The following LIN52 variants were observed in gnomAD, a reference collection of about 807,000 sequenced individuals.
LIN52 encodes the protein lin-52 DREAM MuvB core complex component.
In LIN52, 4 loss-of-function variants were observed where a neutral mutation model predicts 18.5. The observed-to-expected ratio is 0.22, with a 90% CI of 0.11 to 0.49. The LOEUF is 0.49. Ranked by LOEUF, LIN52 falls within the 20% of genes least tolerant of loss-of-function variation. The pLI, the probability that LIN52 is intolerant of heterozygous loss-of-function variation, is 0.97. For missense variants in LIN52, 102 were observed against 139.5 expected (o/e 0.73, Z 1.35); for synonymous variants, 34 against 45.5 (o/e 0.75, Z 1.02).
intron 2 of LIN52, among the ~76,000 whole-genome samples, chr14:74,091,850 T>C (rs2060774433): frequency 6.6e-6 from 1 of 151,976 alleles, no homozygotes; most frequent in Non-Finnish European, 1.5e-5. Context: ...CATTTAACTT[T>C]AATGATTAAA....
At chr14:74,151,694 C>T (rs1264972513) in intron 5 of LIN52, among the ~76,000 whole-genome samples, 1 of 152,062 alleles carries the variant, frequency 6.6e-6, no homozygotes, top group Non-Finnish European at 1.5e-5. Context: ...AGTAACATGC[C>T]ATAGAAGTCA....
chr14:74,158,138 A>T lies in LIN52; in HGVS notation c.284-40784A>T, dbSNP rs1488290127. Among the ~76,000 whole-genome samples, 5 of 144,178 alleles carry T rather than the reference A, an allele frequency of 3.5e-5. No homozygotes were observed. The Admixed American group carries it at 3.5e-4, about 10-fold the overall frequency. The allele number at this position is 144,178 out of a possible 152,430, so 94.6% of individuals were successfully genotyped here. On this transcript the variant is annotated intron_variant, in intron 5 of 5. Coordinates refer to ENST00000555028, the MANE Select transcript of LIN52 (RefSeq NM_001024674.3). Reference sequence around the variant, plus strand: ...ATATATATATATATTTTTTTGAGATAGAGTCTCCCTCTGTTGCCCAGGCTA... The same window carrying T: ...ATATATATATATATTTTTTTGAGATTGAGTCTCCCTCTGTTGCCCAGGCTA...
At chr14:74,129,607 C>T (rs904089438) in intron 5 of LIN52, among the ~76,000 whole-genome samples, 31 of 152,126 alleles carry the variant, frequency 2.0e-4, no homozygotes, top group African/African-American at 7.0e-4. Context: ...AATCCCAACA[C>T]TCTGGGAGGC....
intron 5 of LIN52, among the ~76,000 whole-genome samples, chr14:74,163,636 A>T (rs958620335): frequency 3.3e-5 from 5 of 152,118 alleles, no homozygotes; most frequent in Non-Finnish European, 7.4e-5. Flanking sequence ...CAATTTTTTT[A>T]AAAAATATAA....
intron 5 of LIN52, among the ~76,000 whole-genome samples, chr14:74,109,975 C>T (rs181093457): frequency 2.0e-5 from 3 of 152,278 alleles, no homozygotes; most frequent in Admixed American, 2.0e-4. Flanking sequence ...GGCTAGAAAT[C>T]CCAGTACAGT....
rs1595156282 is a variant in LIN52, at chr14:74,109,276, G to A, written c.283+8038G>A. 2.6e-5 allele frequency among the ~76,000 whole-genome samples: 4 copies of A among 152,320 alleles called. No individual in the cohort carries two copies. In the East Asian group the frequency reaches 7.7e-4, roughly 29 times the overall value. ...AGGTGGGAGAATTGCTTGAGCCCAG[G>A]AGTTTGAGACAAGCCTGGGCAACAA... On this transcript the variant is annotated intron_variant, in intron 5 of 5. Coordinates refer to ENST00000555028, the MANE Select transcript of LIN52 (RefSeq NM_001024674.3).
chr14:74,182,403 A>G (rs10149956), intron 5 of LIN52, among the ~76,000 whole-genome samples: 141,897 of 152,218 alleles, frequency 0.93, 66,328 homozygotes, highest in African/African-American at 0.98. Flanking sequence ...TTGAGAAAAT[A>G]AGCCATATTT....
chr14:74,153,426 G>C (rs1416265087), intron 5 of LIN52, among the ~76,000 whole-genome samples: 2 of 151,988 alleles, frequency 1.3e-5, no homozygotes, highest in African/African-American at 4.8e-5. Context: ...TAAATATGCT[G>C]ATAACTAAAT....
chr14:74,162,322 A>G (rs1314004556), intron 5 of LIN52, among the ~76,000 whole-genome samples: 1 of 151,856 alleles, frequency 6.6e-6, no homozygotes, highest in Non-Finnish European at 1.5e-5. Context: ...CTAAAAATAC[A>G]AAAATTAGCT....
chr14:74,189,517 T>C (rs1195506441), intron 5 of LIN52, among the ~76,000 whole-genome samples: 1 of 152,156 alleles, frequency 6.6e-6, no homozygotes, highest in Non-Finnish European at 1.5e-5. Context: ...CACAGATCTT[T>C]GGGGGTTTTT....
At chr14:74,187,235 G>C (rs2061344875) in intron 5 of LIN52, among the ~76,000 whole-genome samples, 1 of 152,188 alleles carries the variant, frequency 6.6e-6, no homozygotes, top group African/African-American at 2.4e-5. Context: ...GTTTGGAAAT[G>C]GGGGCTGGGG....
At chr14:74,166,092 T>C (rs1246247361) in intron 5 of LIN52, among the ~76,000 whole-genome samples, 1 of 151,672 alleles carries the variant, frequency 6.6e-6, no homozygotes, top group Non-Finnish European at 1.5e-5. Flanking sequence ...GGTTTCTCCA[T>C]GTTGATCAGG....
At chr14:74,097,425 C>CTTTTTTTTTTTTTTTT (rs35249058) in intron 3 of LIN52, among the ~76,000 whole-genome samples, 1 of 133,578 alleles carries the variant, frequency 7.5e-6, no homozygotes, top group East Asian at 2.1e-4. Context: ...TTTTCTTTTT[C>CTTTTTTTTTTTTTTTT]TTTTTTTTTT....
At chr14:74,168,404 C>T (rs547865229) in intron 5 of LIN52, among the ~76,000 whole-genome samples, 1 of 152,298 alleles carries the variant, frequency 6.6e-6, no homozygotes, top group South Asian at 2.1e-4. Context: ...CGCGGTGGCT[C>T]ACGCCTGTAG....
Position 74,163,289 on chromosome 14 carries a change from G to A in LIN52, c.284-35633G>A, listed in dbSNP as rs1025582192. On this transcript the variant is annotated intron_variant, in intron 5 of 5. Transcript: ENST00000555028. Reference sequence around the variant, plus strand: ...GAGACGGGGTTTCACCATATTGCCCGGGCTGGTCTCAAACTTCTTACCTCA... The same window carrying A: ...GAGACGGGGTTTCACCATATTGCCCAGGCTGGTCTCAAACTTCTTACCTCA... Among the ~76,000 whole-genome samples, 4 of 151,766 alleles carry A rather than the reference G, an allele frequency of 2.6e-5. No homozygotes were observed. In the East Asian group the frequency reaches 7.8e-4, roughly 29 times the overall value.
At position 74,084,992 on chromosome 14, in the gene LIN52, C is replaced by T. The variant is rs762262040; in HGVS notation, c.18C>T (p.Asp6=). 4 of 1,411,122 alleles carry T rather than the reference C, an allele frequency of 2.8e-6. No individual in the cohort carries two copies. The highest frequency in any genetic ancestry group is 5.4e-5 in the East Asian group (2 of 36,968). 87.4% of individuals were successfully genotyped at this position (1,411,122 alleles called of 1,614,324 possible). ...GTTGGAAGATGGCGTCTCCCACAGACGGTAAGAGCCGGCTTAGAGATCTTT... is the reference window on the plus strand; with the variant it reads ...GTTGGAAGATGGCGTCTCCCACAGATGGTAAGAGCCGGCTTAGAGATCTTT... The part of the protein sequence containing the change: MASPT[D]GTDLEASLLS... Residue 6 remains aspartate, a splice_region_variant and synonymous_variant, in exon 1 of 6, where the codon GAC becomes GAT. Coordinates refer to ENST00000555028, the MANE Select transcript of LIN52 (RefSeq NM_001024674.3).
At chr14:74,126,244 TG>T (rs1355753866) in intron 5 of LIN52, among the ~76,000 whole-genome samples, 4 of 152,262 alleles carry the variant, frequency 2.6e-5, no homozygotes, top group African/African-American at 7.2e-5. Flanking sequence ...TAACAGGTAT[TG>T]GCAAGGATAT....
chr14:74,145,150 T>A (rs568903922), intron 5 of LIN52, among the ~76,000 whole-genome samples: 1 of 152,342 alleles, frequency 6.6e-6, no homozygotes, highest in East Asian at 1.9e-4. Context: ...TATCCATTGA[T>A]CATAAGCAGT....
At chr14:74,197,753 C>G (rs2078923168) in intron 5 of LIN52, among the ~76,000 whole-genome samples, 1 of 152,190 alleles carries the variant, frequency 6.6e-6, no homozygotes, top group Non-Finnish European at 1.5e-5. Flanking sequence ...AAAAGCCTCC[C>G]TGTGGTCCCA....
Sources: allele counts gnomAD v4.1 joint callset (sites outside exome capture counted in the v4.1 genomes callset), GRCh38; gene constraint gnomAD v4.1.1; transcripts MANE v1.5; gene names NCBI Gene and HGNC (gene_info 2026-07-23, HGNC 2026-07-21).